The following SUMF1 variants were observed in gnomAD, a reference collection of about 807,000 sequenced individuals.
SUMF1 encodes the protein sulfatase modifying factor 1, also known as formylglycine-generating enzyme.
SUMF1 carries 48 observed loss-of-function variants against 47.6 expected under a neutral mutation model. The observed-to-expected ratio is 1.01, with a 90% CI of 0.80 to 1.28. SUMF1 has a LOEUF of 1.28. SUMF1 is among the 50% of genes most tolerant of loss of function. The pLI is 0.00. For synonymous variants in SUMF1, 230 were observed against 192.1 expected, an observed-to-expected ratio of 1.20 and a Z score of -1.63; for missense variants, 571 against 485.4, an observed-to-expected ratio of 1.18 and a Z score of -1.66.
chr3:4,369,273 A>G (rs111400242), intron 8 of SUMF1, among the ~76,000 whole-genome samples: 1 of 152,250 alleles, frequency 6.6e-6, no homozygotes, highest in Non-Finnish European at 1.5e-5. Flanking sequence ...AGGTAGACAA[A>G]AGGAAGATGA....
intron 8 of SUMF1, among the ~76,000 whole-genome samples, chr3:4,345,683 A>G (rs1468308281): frequency 6.6e-6 from 1 of 152,164 alleles, no homozygotes; most frequent in Non-Finnish European, 1.5e-5. Context: ...CACACACAAC[A>G]ATACTAACCT....
At position 4,439,932 on chromosome 3, in the gene SUMF1, A is replaced by G. The variant is rs200320299; in HGVS notation, c.519+9334T>C. ...CTACTAGAAAACTAAAAGTTCAAACATTCAAAATGATGCTGAGCAGGCTGG... is the reference window on the plus strand; with the variant it reads ...CTACTAGAAAACTAAAAGTTCAAACGTTCAAAATGATGCTGAGCAGGCTGG... On this transcript the variant is annotated intron_variant, in intron 3 of 8. Transcript: ENST00000272902. Among the ~76,000 whole-genome samples, 30 of 152,210 alleles carry G rather than the reference A, an allele frequency of 2.0e-4. No homozygotes were observed. The East Asian group carries it at 5.4e-3, about 27-fold the overall frequency.
chr3:4,241,166 C>T (rs1389437237), intron 8 of SUMF1, among the ~76,000 whole-genome samples: 1 of 152,074 alleles, frequency 6.6e-6, no homozygotes, highest in Admixed American at 6.6e-5. Flanking sequence ...TAGTCAGGAA[C>T]CTGAAAAGGC....
chr3:4,453,105 G>A (rs2125134351), intron 1 of SUMF1, 56 bp from the exon 2 acceptor site: 2 of 1,558,874 alleles, frequency 1.3e-6, no homozygotes, highest in Non-Finnish European at 1.7e-6. Context: ...GTGTACCTGT[G>A]TAGGGGTAAA....
chr3:4,232,332 C>T (rs765799831), intron 8 of SUMF1, among the ~76,000 whole-genome samples: 11 of 152,022 alleles, frequency 7.2e-5, no homozygotes, highest in African/African-American at 1.2e-4. Context: ...AGCTGTTCCC[C>T]GCGATGAATA....
chr3:4,426,268 C>A (rs1702065028), intron 3 of SUMF1, among the ~76,000 whole-genome samples: 1 of 152,174 alleles, frequency 6.6e-6, no homozygotes. Flanking sequence ...CTGTGATGGT[C>A]AGATGCAGAG....
intron 8 of SUMF1, among the ~76,000 whole-genome samples, chr3:4,207,162 C>T (rs1432272514): frequency 6.6e-6 from 1 of 151,944 alleles, no homozygotes; most frequent in African/African-American, 2.4e-5. Flanking sequence ...TGCTAATAAA[C>T]AGAAATACAA....
intron 7 of SUMF1, among the ~76,000 whole-genome samples, chr3:4,391,236 TTTTTTGTTTTTG>T (rs148665743): frequency 1.3e-5 from 2 of 152,160 alleles, no homozygotes; most frequent in African/African-American, 2.4e-5. Context: ...CCAGGTGTGG[TTTTTTGTTTTTG>T]TTTTTGTTTT....
chr3:4,199,092 A>G (rs1200129024), intron 8 of SUMF1, among the ~76,000 whole-genome samples: 1 of 152,158 alleles, frequency 6.6e-6, no homozygotes, highest in Non-Finnish European at 1.5e-5. Context: ...AGCCATCACC[A>G]CAATCAAGCT....
At chr3:4,254,061 T>C (rs1422162365) in intron 8 of SUMF1, among the ~76,000 whole-genome samples, 1 of 151,214 alleles carries the variant, frequency 6.6e-6, no homozygotes, top group Non-Finnish European at 1.5e-5. Flanking sequence ...TCCTGTCTGT[T>C]AGAAGGAAAA....
chr3:4,325,062 T>C (rs1481294613), intron 8 of SUMF1, among the ~76,000 whole-genome samples: 1 of 152,088 alleles, frequency 6.6e-6, no homozygotes, highest in Non-Finnish European at 1.5e-5. Context: ...TCAGATCTCA[T>C]GAAACTTATT....
intron 8 of SUMF1, among the ~76,000 whole-genome samples, chr3:4,078,930 T>C (rs1288881904): frequency 1.3e-5 from 2 of 152,122 alleles, no homozygotes; most frequent in Non-Finnish European, 2.9e-5. Context: ...TTAAAATCTC[T>C]TGAAGAAGTC....
At chr3:4,167,346 C>T (rs1460825038) in intron 8 of SUMF1, among the ~76,000 whole-genome samples, 1 of 152,130 alleles carries the variant, frequency 6.6e-6, no homozygotes, top group Non-Finnish European at 1.5e-5. Flanking sequence ...TATCAGAATG[C>T]CTTTTTTCCA....
At chr3:4,406,557 G>A (rs1459256118) in intron 7 of SUMF1, among the ~76,000 whole-genome samples, 1 of 152,174 alleles carries the variant, frequency 6.6e-6, no homozygotes, top group East Asian at 1.9e-4. Flanking sequence ...CTATTCGGGA[G>A]GCTGAGGCTG....
intron 8 of SUMF1, chr3:4,316,116 A>T: frequency 1.8e-6 from 1 of 557,698 alleles, no homozygotes; most frequent in Non-Finnish European, 3.2e-6. Context: ...ATTGGAATAC[A>T]TTCTTAAATG....
chr3:4,228,898 C>T (rs762127672), intron 8 of SUMF1, among the ~76,000 whole-genome samples: 2 of 151,910 alleles, frequency 1.3e-5, no homozygotes, highest in African/African-American at 2.4e-5. Context: ...TTCCAAATTG[C>T]GAATACAGAA....
chr3:4,048,304 T>C (rs892422138), intron 9 of SUMF1, among the ~76,000 whole-genome samples: 5 of 152,132 alleles, frequency 3.3e-5, no homozygotes, highest in Admixed American at 6.6e-5. Flanking sequence ...AACAAACATT[T>C]AATAGCATAT....
intron 9 of SUMF1, among the ~76,000 whole-genome samples, chr3:4,049,803 G>T (rs745679677): frequency 6.6e-6 from 1 of 152,080 alleles, no homozygotes; most frequent in Admixed American, 6.6e-5. Flanking sequence ...CCAAGCTCTC[G>T]TCCAACATCC....
At chr3:4,117,272 C>T (rs1202132466) in intron 8 of SUMF1, among the ~76,000 whole-genome samples, 1 of 151,642 alleles carries the variant, frequency 6.6e-6, no homozygotes, top group Admixed American at 6.6e-5. Flanking sequence ...GGAAATGTAA[C>T]TAAAGCAAAG....
Sources: gnomAD v4.1 joint callset for allele counts (sites outside exome capture counted in the v4.1 genomes callset) on GRCh38, gnomAD v4.1.1 for gene constraint, MANE v1.5 for transcripts, NCBI Gene and HGNC (gene_info 2026-07-23, HGNC 2026-07-21) for gene names.